GRIK4: variants seen among roughly 807,000 people sequenced by gnomAD.
GRIK4 encodes the protein glutamate ionotropic receptor kainate type subunit 4.
A neutral mutation model predicts 104.9 loss-of-function variants in GRIK4; 40 were observed. The ratio of observed to expected loss-of-function variants is 0.38; its 90% CI spans 0.30 to 0.50. The LOEUF (loss-of-function observed/expected upper bound fraction) is 0.50, where lower values mean the gene tolerates loss of function less well. Among genes scored for constraint, GRIK4 ranks in the 20% least tolerant of loss-of-function variants. The pLI is 0.93. For synonymous variants in GRIK4, 485 were observed against 524.9 expected (o/e 0.92, Z 1.04); for missense variants, 1,047 against 1,308.1 (o/e 0.80, Z 3.08).
chr11:120,526,494 A>G (rs1383311467), intron 1 of GRIK4, among the ~76,000 whole-genome samples: 1 of 152,218 alleles, frequency 6.6e-6, no homozygotes, highest in East Asian at 1.9e-4. Flanking sequence ...CGCTGTGCCC[A>G]GCCATGTGCA....
At chr11:120,829,104 T>A (rs1267710147) in intron 6 of GRIK4, among the ~76,000 whole-genome samples, 1 of 152,170 alleles carries the variant, frequency 6.6e-6, no homozygotes, top group Non-Finnish European at 1.5e-5. Flanking sequence ...TTCTTCATGC[T>A]CCATTCTAGG....
intron 3 of GRIK4, among the ~76,000 whole-genome samples, chr11:120,797,737 G>C (rs1254894382): frequency 6.6e-6 from 1 of 152,212 alleles, no homozygotes; most frequent in Non-Finnish European, 1.5e-5. Context: ...TTAGATGTTA[G>C]TGAGTTGGCA....
At chr11:120,715,579 C>T (rs1950815318) in intron 3 of GRIK4, among the ~76,000 whole-genome samples, 1 of 152,134 alleles carries the variant, frequency 6.6e-6, no homozygotes, top group Non-Finnish European at 1.5e-5. Flanking sequence ...CTTTCCCCTC[C>T]ATGTTTCCTT....
At chr11:120,792,131 A>G (rs1172833083) in intron 3 of GRIK4, among the ~76,000 whole-genome samples, 2 of 152,130 alleles carry the variant, frequency 1.3e-5, no homozygotes, top group African/African-American at 4.8e-5. Context: ...CGTTCAGGGA[A>G]GGCTTCCTGA....
Position 120,905,603 on chromosome 11 carries a change from A to G in GRIK4, c.1476+110A>G. 1 of 768,220 alleles carries G rather than the reference A, an allele frequency of 1.3e-6. No individual in the cohort carries two copies. The highest frequency in any genetic ancestry group is 2.2e-6 in the Non-Finnish European group (1 of 450,816). 47.6% of individuals were successfully genotyped at this position (768,220 alleles called of 1,614,324 possible). A position where few individuals can be genotyped will look rare whatever the true frequency, so the allele number is the denominator to read the frequency against. Reference sequence around the variant, plus strand: ...CCTCCATTTGTTCAGTCAATCATTCATGCATTTGTCATTTATTTGTCCACT... The same window carrying G: ...CCTCCATTTGTTCAGTCAATCATTCGTGCATTTGTCATTTATTTGTCCACT... On this transcript the variant is annotated intron_variant, in intron 13 of 20. Coordinates refer to ENST00000527524, the MANE Select transcript of GRIK4 (RefSeq NM_014619.5). This position sits in a 1 kb window ranked among gnomAD's most constrained non-coding sequence, Gnocchi z 5.1.
intron 3 of GRIK4, among the ~76,000 whole-genome samples, chr11:120,740,760 G>A (rs780046714): frequency 3.9e-5 from 6 of 152,132 alleles, no homozygotes; most frequent in Admixed American, 1.3e-4. Flanking sequence ...TCCACCTCCC[G>A]TGAGTGCCTC....
At chr11:120,923,404 AT>A (rs775194642) in intron 13 of GRIK4, among the ~76,000 whole-genome samples, 4,720 of 81,734 alleles carry the variant, frequency 0.058, 39 homozygotes, top group African/African-American at 0.14. Flanking sequence ...CCATTTGCTC[AT>A]TTTTTTTTTT....
chr11:120,895,402 A>G (rs929232938), intron 11 of GRIK4, among the ~76,000 whole-genome samples: 4 of 152,132 alleles, frequency 2.6e-5, no homozygotes, highest in Non-Finnish European at 5.9e-5. Context: ...CTCCCAGCCT[A>G]GGAGTCCATT....
At chr11:120,717,933 G>T (rs1011370182) in intron 3 of GRIK4, among the ~76,000 whole-genome samples, 1 of 152,156 alleles carries the variant, frequency 6.6e-6, no homozygotes, top group Admixed American at 6.5e-5. Flanking sequence ...TGGCCAGCCT[G>T]TACCTCCCTG....
At chr11:120,705,294 C>T (rs1950611135) in intron 3 of GRIK4, among the ~76,000 whole-genome samples, 2 of 150,820 alleles carry the variant, frequency 1.3e-5, no homozygotes, top group Admixed American at 1.3e-4. Flanking sequence ...TGCAGTGGCA[C>T]AATCTCGGCT....
intron 14 of GRIK4, among the ~76,000 whole-genome samples, chr11:120,950,882 C>T (rs1943984148): frequency 6.6e-6 from 1 of 152,198 alleles, no homozygotes. Context: ...TTTCCTCATT[C>T]TTCTCCTGTT....
chr11:120,744,051 A>G (rs2135412996), intron 3 of GRIK4, among the ~76,000 whole-genome samples: 1 of 152,210 alleles, frequency 6.6e-6, no homozygotes, highest in East Asian at 1.9e-4. Context: ...AGAGATGGAG[A>G]TGGAGCTAAG....
chr11:120,665,627 A>G (rs1949900416), intron 3 of GRIK4, among the ~76,000 whole-genome samples: 2 of 152,200 alleles, frequency 1.3e-5, no homozygotes, highest in Admixed American at 6.5e-5. Flanking sequence ...TCAGTTTGCA[A>G]ACTTCTCTTC....
At position 120,986,189 on chromosome 11, in the gene GRIK4, C is replaced by G. The variant is rs760015324; in HGVS notation, c.2800C>G (p.Arg934Gly). Reference sequence around the variant, plus strand: ...CCGCCGCTTCCAGGGCCTGCGGGCACGGCCGTCGCCCGCCCGCAGCGAGGA... The same window carrying G: ...CCGCCGCTTCCAGGGCCTGCGGGCAGGGCCGTCGCCCGCCCGCAGCGAGGA... ...ECRRFQGLRA[R>G]PSPARSEESL... is the part of the protein sequence containing the mutation. Residue 934 changes from arginine to glycine, a missense_variant, in exon 21 of 21, where the codon CGG (arginine) becomes GGG (glycine). Arg to Gly is a moderately radical substitution (Grantham distance 125, BLOSUM62 -2). Around this residue, in one of 3 missense-constraint regions of GRIK4, gnomAD observed 160 missense variants for 140.9 expected, o/e 1.14. Coordinates refer to ENST00000527524, the MANE Select transcript of GRIK4 (RefSeq NM_014619.5). 5.8e-6 allele frequency: 9 copies of G among 1,563,450 alleles called. No individual in the cohort carries two copies. The South Asian group carries it at 1.0e-4, about 18-fold the overall frequency.
chr11:120,564,302 G>C (rs913204806), intron 1 of GRIK4: 2 of 152,188 alleles, frequency 1.3e-5, no homozygotes, highest in Non-Finnish European at 2.9e-5. Context: ...TTTATTGCAA[G>C]CGGCGCCACC....
chr11:120,546,114 C>A (rs541737979), intron 1 of GRIK4, among the ~76,000 whole-genome samples: 1 of 152,260 alleles, frequency 6.6e-6, no homozygotes, highest in African/African-American at 2.4e-5. Flanking sequence ...GAGGTACAGC[C>A]GTTCTCTGTA....
intron 12 of GRIK4, among the ~76,000 whole-genome samples, chr11:120,899,457 C>T (rs1942673808): frequency 6.6e-6 from 1 of 150,816 alleles, no homozygotes; most frequent in African/African-American, 2.4e-5. Flanking sequence ...GGCAAGAGAC[C>T]ATGTGCCCTT....
chr11:120,560,622 A>AT (rs1948229532), intron 1 of GRIK4, among the ~76,000 whole-genome samples: 1 of 152,242 alleles, frequency 6.6e-6, no homozygotes, highest in Non-Finnish European at 1.5e-5. Flanking sequence ...TAAGAGTCAA[A>AT]TTGAGGTTCT....
intron 1 of GRIK4, among the ~76,000 whole-genome samples, chr11:120,563,089 C>T (rs1001227164): frequency 1.3e-5 from 2 of 152,368 alleles, no homozygotes; most frequent in African/African-American, 4.8e-5. Flanking sequence ...TTCCACTTCA[C>T]TGTCTCCCTG....
Sources: gnomAD v4.1 joint callset for allele counts (sites outside exome capture counted in the v4.1 genomes callset) on GRCh38, gnomAD v4.1.1 for gene constraint, gnomAD v4.1.1 regional missense constraint, Gnocchi (gnomAD v3.1) non-coding constraint, MANE v1.5 for transcripts, NCBI Gene and HGNC (gene_info 2026-07-23, HGNC 2026-07-21) for gene names.